The following CTNND2 variants were observed in gnomAD, a reference collection of about 807,000 sequenced individuals.
The protein encoded by CTNND2 is catenin delta-2.
Under a neutral mutation model 144.4 loss-of-function variants are expected in CTNND2, and 22 were observed. The observed-to-expected ratio is 0.15, with a 90% CI of 0.11 to 0.22. CTNND2 has a LOEUF of 0.22. CTNND2 is among the 10% of genes least tolerant of loss of function. The pLI is 1.00. For synonymous variants in CTNND2, 751 were observed against 695.6 expected (o/e 1.08, Z -1.25); for missense variants, 1,353 against 1,618.8 (o/e 0.84, Z 2.82).
At chr5:11,778,756 A>G (rs1351934908) in intron 1 of CTNND2, among the ~76,000 whole-genome samples, 2 of 152,202 alleles carry the variant, frequency 1.3e-5, no homozygotes, top group Non-Finnish European at 2.9e-5. Context: ...GGAAATATGA[A>G]TGAACTACAG....
chr5:11,129,869 G>A (rs557651021), intron 12 of CTNND2, among the ~76,000 whole-genome samples: 1 of 152,182 alleles, frequency 6.6e-6, no homozygotes, highest in Admixed American at 6.5e-5. Flanking sequence ...CCCGCATTAG[G>A]ATTAGCCACA....
chr5:10,995,950 GGA>G (rs1349269798), intron 18 of CTNND2, among the ~76,000 whole-genome samples: 1 of 152,148 alleles, frequency 6.6e-6, no homozygotes, highest in East Asian at 1.9e-4. Flanking sequence ...AGGAAGGGTT[GGA>G]GCTTAGAGAA....
intron 3 of CTNND2, among the ~76,000 whole-genome samples, chr5:11,437,410 C>T (rs898174280): frequency 6.6e-6 from 1 of 152,196 alleles, no homozygotes; most frequent in Non-Finnish European, 1.5e-5. Context: ...TCCTGCCTTC[C>T]AGATGCATGA....
intron 14 of CTNND2, among the ~76,000 whole-genome samples, chr5:11,108,447 TAAC>T (rs1484507502): frequency 1.3e-5 from 2 of 152,128 alleles, no homozygotes; most frequent in African/African-American, 4.8e-5. Flanking sequence ...ATCTACAACT[TAAC>T]AAAGAGGTGA....
At chr5:11,429,405 A>ATGTC (rs1352801178) in intron 3 of CTNND2, among the ~76,000 whole-genome samples, 1 of 152,206 alleles carries the variant, frequency 6.6e-6, no homozygotes, top group Non-Finnish European at 1.5e-5. Context: ...TGTCATGAGC[A>ATGTC]TGTCCCCGTT....
Position 11,497,409 on chromosome 5 carries a change from G to C in CTNND2, c.287+67535C>G, listed in dbSNP as rs114070376. 2.1e-3 allele frequency among the ~76,000 whole-genome samples: 311 copies of C among 150,814 alleles called. 2 individuals are homozygous for C. The highest frequency in any genetic ancestry group is 7.4e-3 in the African/African-American group (305 of 41,062). On this transcript the variant is annotated intron_variant, in intron 3 of 21. Transcript: ENST00000304623. ...GGAGTAGGGAGCTGTGAGCACAGAG[G>C]GGGCTATGTTAGATTAGGTGGTCAT...
At chr5:11,377,311 TC>T (rs1181643320) in intron 7 of CTNND2, among the ~76,000 whole-genome samples, 4 of 152,098 alleles carry the variant, frequency 2.6e-5, no homozygotes, top group African/African-American at 7.2e-5. Flanking sequence ...TACCTCAGCT[TC>T]CCAAAGTGCT....
intron 3 of CTNND2, among the ~76,000 whole-genome samples, chr5:11,462,548 ATT>A (rs5865942): frequency 6.7e-6 from 1 of 149,664 alleles, no homozygotes; most frequent in African/African-American, 2.5e-5. Context: ...GAAAGATTCT[ATT>A]TTTTTTTTCC....
intron 3 of CTNND2, among the ~76,000 whole-genome samples, chr5:11,461,393 A>T (rs1456681265): frequency 2.0e-5 from 3 of 152,176 alleles, no homozygotes; most frequent in African/African-American, 7.2e-5. Context: ...AACCCAGAAA[A>T]TGAAAATTAG....
At chr5:10,980,492 T>A (rs1737088104) in intron 21 of CTNND2, among the ~76,000 whole-genome samples, 2 of 152,222 alleles carry the variant, frequency 1.3e-5, no homozygotes, top group African/African-American at 4.8e-5. Flanking sequence ...GTGTGGCGAT[T>A]CCTCAAGGAT....
intron 18 of CTNND2, among the ~76,000 whole-genome samples, chr5:11,015,470 CA>C (rs1741513249): frequency 6.6e-6 from 1 of 152,208 alleles, no homozygotes; most frequent in African/African-American, 2.4e-5. Flanking sequence ...TCAAATGAAA[CA>C]TATTTTAAGC....
intron 12 of CTNND2, among the ~76,000 whole-genome samples, chr5:11,135,255 A>G (rs1367309881): frequency 6.6e-6 from 1 of 152,188 alleles, no homozygotes; most frequent in East Asian, 1.9e-4. Flanking sequence ...AACTATATAT[A>G]ATGACTTCAT....
chr5:11,065,443 C>T (rs1397576079), intron 16 of CTNND2, among the ~76,000 whole-genome samples: 2 of 152,212 alleles, frequency 1.3e-5, no homozygotes, highest in Non-Finnish European at 2.9e-5. Context: ...ATTCTTTTAG[C>T]GAGTGCTAGT....
chr5:11,675,149 T>C (rs937070059), intron 2 of CTNND2, among the ~76,000 whole-genome samples: 90 of 152,058 alleles, frequency 5.9e-4, no homozygotes, highest in Non-Finnish European at 6.2e-4. Flanking sequence ...CTGAAGAAAA[T>C]TTAAACATTT....
intron 3 of CTNND2, among the ~76,000 whole-genome samples, chr5:11,562,631 A>G (rs1776769785): frequency 6.6e-6 from 1 of 152,246 alleles, no homozygotes; most frequent in African/African-American, 2.4e-5. Context: ...ATTATTTAGT[A>G]CAGATTTAAG....
chr5:11,768,133 G>A lies in CTNND2; in HGVS notation c.38-35861C>T, dbSNP rs575741493. ...ACATGCATCTTTATGAAACTAAATG[G>A]AACAGGTTTTCTGTGGTCTCTTCAT... On this transcript the variant is annotated intron_variant, in intron 1 of 21. Transcript: ENST00000304623. Among the ~76,000 whole-genome samples the A allele has an allele frequency of 5.3e-5, 8 of 152,116 alleles. No individual in the cohort carries two copies. In the East Asian group the frequency reaches 9.7e-4, roughly 18 times the overall value.
intron 20 of CTNND2, among the ~76,000 whole-genome samples, chr5:10,987,235 G>T (rs1038639680): frequency 6.6e-6 from 1 of 152,214 alleles, no homozygotes; most frequent in Non-Finnish European, 1.5e-5. Flanking sequence ...TCCAGGGAGA[G>T]GGTGAGGTAT....
At position 11,457,617 on chromosome 5, in the gene CTNND2, T is replaced by C. The variant is rs184869659; in HGVS notation, c.288-45548A>G. On this transcript the variant is annotated intron_variant, in intron 3 of 21. Coordinates refer to ENST00000304623, the MANE Select transcript of CTNND2 (RefSeq NM_001332.4). Reference sequence around the variant, plus strand: ...ATCTGTATACTCCTTGATTCTTCATTGTCAGAAATGGAGATAAATTATCAG... The same window carrying C: ...ATCTGTATACTCCTTGATTCTTCATCGTCAGAAATGGAGATAAATTATCAG... 1.4e-4 allele frequency among the ~76,000 whole-genome samples: 22 copies of C among 152,326 alleles called. 1 individual carries two copies. The highest frequency in any genetic ancestry group is 3.9e-4 in the Admixed American group (6 of 15,298).
intron 2 of CTNND2, among the ~76,000 whole-genome samples, chr5:11,600,773 C>T (rs1779751826): frequency 6.8e-6 from 1 of 146,030 alleles, no homozygotes; most frequent in East Asian, 2.0e-4. Flanking sequence ...TTGGGCAGAA[C>T]ACTCCCAGAC....
Sources: gnomAD v4.1 joint callset for allele counts (sites outside exome capture counted in the v4.1 genomes callset) on GRCh38, gnomAD v4.1.1 for gene constraint, MANE v1.5 for transcripts, NCBI Gene and HGNC (gene_info 2026-07-23, HGNC 2026-07-21) for gene names.